RASA2: variants seen among roughly 807,000 people sequenced by gnomAD.
The protein encoded by RASA2 is RAS p21 protein activator 2, also known as ras GTPase-activating protein 2.
Under a neutral mutation model 118.2 loss-of-function variants are expected in RASA2, and 155 were observed. That is an observed-to-expected ratio of 1.31 (90% CI 1.15 to 1.50). The LOEUF (loss-of-function observed/expected upper bound fraction) is 1.50. RASA2 is among the 40% of genes most tolerant of loss of function. The pLI, the probability that RASA2 is intolerant of heterozygous loss-of-function variation, is 0.00. For missense variants in RASA2, 1,016 were observed against 1,009.6 expected (o/e 1.01, Z -0.09); for synonymous variants, 353 against 349.1 (o/e 1.01, Z -0.12).
rs1297545809 is a variant in RASA2 at position 141,580,223 on chromosome 3, C to T, written c.1591-145C>T. 4 of 535,550 alleles carry T rather than the reference C, an allele frequency of 7.5e-6. No homozygotes were observed. In the African/African-American group the frequency reaches 7.9e-5, roughly 11 times the overall value. The allele number at this position is 535,550 out of a possible 1,614,324, so 33.2% of individuals were successfully genotyped here. A position where few individuals can be genotyped will look rare whatever the true frequency, so the allele number is the denominator to read the frequency against. The stretch of plus-strand genomic sequence containing the variant: ...CCTTAGGCTGGTGAGTTGTACCCAG[C>T]CTTAGCTAGATTTTAACTGTGTGTG... On this transcript the variant is annotated intron_variant, in intron 15 of 23. Coordinates refer to ENST00000286364, the MANE Select transcript of RASA2 (RefSeq NM_006506.5).
chr3:141,499,162 T>C (rs2081743637), intron 1 of RASA2, among the ~76,000 whole-genome samples: 1 of 152,040 alleles, frequency 6.6e-6, no homozygotes, highest in African/African-American at 2.4e-5. Flanking sequence ...GATAACTGTA[T>C]GATAGTTATT....
chr3:141,568,509 TAAAAG>T (rs966855581), intron 9 of RASA2, among the ~76,000 whole-genome samples: 39 of 151,594 alleles, frequency 2.6e-4, no homozygotes, highest in Admixed American at 1.7e-3. Flanking sequence ...AAAACAAAGT[TAAAAG>T]AGAAAATAAA....
chr3:141,574,440 C>T (rs34761840), intron 14 of RASA2, among the ~76,000 whole-genome samples: 4,692 of 152,220 alleles, frequency 0.031, 104 homozygotes, highest in Non-Finnish European at 0.046. Flanking sequence ...CCGCCCGCCT[C>T]GGCCTCCCAA....
chr3:141,488,452 A>G (rs144465450), intron 1 of RASA2, among the ~76,000 whole-genome samples: 1 of 152,296 alleles, frequency 6.6e-6, no homozygotes, highest in East Asian at 1.9e-4. Flanking sequence ...TTGAGCTCAC[A>G]TTCTCCCACT....
chr3:141,592,602 A>G (rs1422932151), intron 19 of RASA2, among the ~76,000 whole-genome samples: 1 of 152,192 alleles, frequency 6.6e-6, no homozygotes, highest in Non-Finnish European at 1.5e-5. Flanking sequence ...CAGTTAAGAG[A>G]CTACTAAAAT....
Position 141,597,896 on chromosome 3 carries a change from A to G in RASA2, c.1934-9782A>G, listed in dbSNP as rs187222396. ...AGGAATAAGACTACTACAAATTCCA[A>G]TGACATTAAAAGACTAACCAGAAAC... On this transcript the variant is annotated intron_variant, in intron 19 of 23. Coordinates refer to ENST00000286364, the MANE Select transcript of RASA2 (RefSeq NM_006506.5). 4.3e-4 allele frequency among the ~76,000 whole-genome samples: 66 copies of G among 152,338 alleles called. No individual in the cohort carries two copies. The East Asian group carries it at 8.3e-3, about 19-fold the overall frequency.
intron 5 of RASA2, among the ~76,000 whole-genome samples, chr3:141,543,165 TTTATATTG>T (rs1471907749): frequency 2.6e-5 from 4 of 152,084 alleles, no homozygotes; most frequent in African/African-American, 9.7e-5. Context: ...TTTTGATTTA[TTTATATTG>T]TGTTTTTAAA....
At chr3:141,531,332 A>G (rs1333886712) in intron 4 of RASA2, among the ~76,000 whole-genome samples, 1 of 151,916 alleles carries the variant, frequency 6.6e-6, no homozygotes. Flanking sequence ...GTAAAAATCT[A>G]TATAGAATAT....
At position 141,527,706 on chromosome 3, in the gene RASA2, C is replaced by T. The variant is rs1267471064; in HGVS notation, c.356-2002C>T. On this transcript the variant is annotated intron_variant, in intron 3 of 23. Coordinates refer to ENST00000286364, the MANE Select transcript of RASA2 (RefSeq NM_006506.5). ...ATATGGATTTGCCAGGAATTTGATA[C>T]AATTCATAGATAAAACATATCCAGA... 2.3e-4 allele frequency among the ~76,000 whole-genome samples: 35 copies of T among 151,944 alleles called. 3 individuals are homozygous for T. Among genetic ancestry groups the T allele is most frequent in the Admixed American group, 2.1e-3 (32 of 15,250 alleles).
intron 2 of RASA2, among the ~76,000 whole-genome samples, chr3:141,513,938 A>C (rs889502790): frequency 2.0e-5 from 3 of 152,180 alleles, no homozygotes; most frequent in Admixed American, 2.0e-4. Flanking sequence ...GAATCATAGA[A>C]GGATAAATAT....
chr3:141,524,686 G>A (rs7627774), intron 3 of RASA2, among the ~76,000 whole-genome samples: 19,643 of 152,048 alleles, frequency 0.13, 1,812 homozygotes, highest in East Asian at 0.24. Flanking sequence ...TGCCTCCTGG[G>A]TTCAAGCAAT....
chr3:141,505,774 T>TTGTGTG lies in RASA2; in HGVS notation c.134-6375_134-6370dup, dbSNP rs35375776. The stretch of plus-strand genomic sequence containing the variant: ...TATTTATTTATACGTGTCTCTGTGT[T>TTGTGTG]TGTGTGTGTGTGTGTGTGTACGTAT... On this transcript the variant is annotated intron_variant, in intron 1 of 23. Coordinates refer to ENST00000286364, the MANE Select transcript of RASA2 (RefSeq NM_006506.5). Among the ~76,000 whole-genome samples the TTGTGTG allele has an allele frequency of 4.0e-3, 607 of 150,678 alleles. 5 individuals are homozygous for TTGTGTG. Among genetic ancestry groups the TTGTGTG allele is most frequent in the South Asian group, 0.013 (62 of 4,784 alleles).
intron 9 of RASA2, 48 bp downstream of exon 9, chr3:141,560,043 T>C: frequency 7.0e-7 from 1 of 1,436,170 alleles, no homozygotes; most frequent in Non-Finnish European, 9.7e-7. Flanking sequence ...TTCTCTTTAG[T>C]ACAGTATATA....
At chr3:141,542,758 C>G (rs1324743483) in intron 5 of RASA2, among the ~76,000 whole-genome samples, 1 of 152,206 alleles carries the variant, frequency 6.6e-6, no homozygotes, top group African/African-American at 2.4e-5. Context: ...AAAGATATCT[C>G]TCATCCCATA....
intron 1 of RASA2, among the ~76,000 whole-genome samples, chr3:141,511,221 T>C (rs886473751): frequency 6.6e-6 from 1 of 152,214 alleles, no homozygotes; most frequent in Non-Finnish European, 1.5e-5. Context: ...TCAGATGGTT[T>C]TTCTGGGACT....
intron 1 of RASA2, among the ~76,000 whole-genome samples, chr3:141,504,899 A>G (rs772605067): frequency 6.6e-6 from 1 of 152,048 alleles, no homozygotes; most frequent in Non-Finnish European, 1.5e-5. Flanking sequence ...CAGTGTGCCA[A>G]ACTATCCTGT....
At position 141,571,449 on chromosome 3, in the gene RASA2, G is replaced by A. The variant is rs376949728; in HGVS notation, c.1064G>A (p.Arg355Gln). 4.3e-5 allele frequency: 69 copies of A among 1,613,482 alleles called. No homozygotes were observed. Among genetic ancestry groups the A allele is most frequent in the Admixed American group, 4.2e-4 (25 of 59,912 alleles). Residue 355 changes from arginine (R) to glutamine (Q), a missense_variant, in exon 11 of 24, where the codon CGA (arginine) becomes CAA (glutamine). Coordinates refer to ENST00000286364, the MANE Select transcript of RASA2 (RefSeq NM_006506.5). The stretch of plus-strand genomic sequence containing the variant: ...GCTTACATTTTGAGTGAAATATGTC[G>A]AGATAAAAATGATGCTGTTTTGCCC... ...SAAYILSEIC[R>Q]DKNDAVLPLV... is the part of the protein sequence containing the mutation.
At chr3:141,599,085 C>T (rs927454862) in intron 19 of RASA2, among the ~76,000 whole-genome samples, 16 of 152,004 alleles carry the variant, frequency 1.1e-4, no homozygotes, top group African/African-American at 3.9e-4. Flanking sequence ...GAGACTCTGT[C>T]TCAATAAATA....
intron 6 of RASA2, 104 bp downstream of exon 6, chr3:141,554,044 A>G (rs1360088071): frequency 3.5e-6 from 5 of 1,446,654 alleles, no homozygotes; most frequent in Non-Finnish European, 4.6e-6. Flanking sequence ...TATTTATAAC[A>G]CACAGTAATA....
Sources: gnomAD v4.1 joint callset for allele counts (sites outside exome capture counted in the v4.1 genomes callset) on GRCh38, gnomAD v4.1.1 for gene constraint, MANE v1.5 for transcripts, NCBI Gene and HGNC (gene_info 2026-07-23, HGNC 2026-07-21) for gene names.